Variants in CARMIL1 observed in about 807,000 individuals in gnomAD.
CARMIL1 encodes the protein capping protein regulator and myosin 1 linker 1.
A neutral mutation model predicts 177.1 loss-of-function variants in CARMIL1; 90 were observed. The observed-to-expected ratio is 0.51, with a 90% CI of 0.43 to 0.61. The LOEUF is 0.61. Ranked by LOEUF, CARMIL1 falls within the 20% of genes least tolerant of loss-of-function variation. The pLI, the probability that CARMIL1 is intolerant of heterozygous loss-of-function variation, is 0.00. For missense variants in CARMIL1, 1,380 were observed against 1,667.0 expected (o/e 0.83, Z 3.00); for synonymous variants, 577 against 606.2 (o/e 0.95, Z 0.71).
At chr6:25,356,239 A>G (rs1030838388) in intron 2 of CARMIL1, among the ~76,000 whole-genome samples, 15 of 151,728 alleles carry the variant, frequency 9.9e-5, no homozygotes, top group Non-Finnish European at 5.9e-5. Flanking sequence ...TTGTATTTTT[A>G]GTAGAGACAG....
At position 25,451,995 on chromosome 6, in the gene CARMIL1, T is replaced by TCCCCCCC. The variant is rs748360806; in HGVS notation, c.614+1287_614+1293dup. The stretch of plus-strand genomic sequence containing the variant: ...TCATCACTAGCATCTTGCCCCCCCC[T>TCCCCCCC]CCCCCCCCCAGAATACTGTTTTGAA... On this transcript the variant is annotated intron_variant, in intron 8 of 36. Coordinates refer to ENST00000329474, the MANE Select transcript of CARMIL1 (RefSeq NM_017640.6). 11 of 144,228 alleles carry TCCCCCCC rather than the reference T, an allele frequency of 7.6e-5. 1 individual carries two copies. The highest frequency in any genetic ancestry group is 1.1e-4 in the Non-Finnish European group (8 of 71,466). The allele number at this position is 144,228 out of a possible 1,614,324, so 8.9% of individuals were successfully genotyped here.
At chr6:25,356,050 CT>C (rs5875031) in intron 2 of CARMIL1, among the ~76,000 whole-genome samples, 75,131 of 120,100 alleles carry the variant, frequency 0.63, 22,095 homozygotes, top group Non-Finnish European at 0.67. Context: ...TCTAAGACTT[CT>C]TTTTTTTTTT....
chr6:25,446,091 G>A (rs997480757), intron 5 of CARMIL1, among the ~76,000 whole-genome samples: 5 of 152,174 alleles, frequency 3.3e-5, no homozygotes, highest in Admixed American at 6.5e-5. Flanking sequence ...TGGAGTGCAA[G>A]CAGGGAGATT....
At chr6:25,611,064 A>G (rs910308751) in intron 36 of CARMIL1, among the ~76,000 whole-genome samples, 13 of 152,082 alleles carry the variant, frequency 8.5e-5, no homozygotes, top group African/African-American at 3.1e-4. Flanking sequence ...TTCTCTTCCT[A>G]CATTGGCCTA....
At chr6:25,555,960 CATT>C (rs1449815939) in intron 28 of CARMIL1, among the ~76,000 whole-genome samples, 1 of 152,086 alleles carries the variant, frequency 6.6e-6, no homozygotes, top group East Asian at 1.9e-4. Flanking sequence ...TTCATTTTAA[CATT>C]AATACTGCTG....
intron 4 of CARMIL1, among the ~76,000 whole-genome samples, chr6:25,433,801 C>T (rs1182194004): frequency 6.6e-6 from 1 of 152,208 alleles, no homozygotes; most frequent in African/African-American, 2.4e-5. Context: ...GAAACACTTA[C>T]ATTATTTATA....
At chr6:25,531,831 C>T (rs777424895) in intron 24 of CARMIL1, among the ~76,000 whole-genome samples, 3 of 152,164 alleles carry the variant, frequency 2.0e-5, no homozygotes, top group Non-Finnish European at 2.9e-5. Context: ...AGTGCAGTGG[C>T]GCAATCTCGG....
At chr6:25,607,636 A>G (rs929536411) in intron 35 of CARMIL1, among the ~76,000 whole-genome samples, 1 of 152,220 alleles carries the variant, frequency 6.6e-6, no homozygotes, top group Non-Finnish European at 1.5e-5. Context: ...AGCTCATCCT[A>G]ATAATTTATC....
chr6:25,466,034 A>G, intron 9 of CARMIL1, 86 bp downstream of exon 9: 1 of 875,138 alleles, frequency 1.1e-6, no homozygotes. Flanking sequence ...CAATTTTTTT[A>G]CTGTACTAGT....
chr6:25,592,783 G>A (rs1814445667), intron 31 of CARMIL1, among the ~76,000 whole-genome samples: 1 of 152,128 alleles, frequency 6.6e-6, no homozygotes, highest in South Asian at 2.1e-4. Context: ...CTTTCCCACC[G>A]CTCTATGGCA....
At chr6:25,464,225 C>CT (rs1800397329) in intron 8 of CARMIL1, among the ~76,000 whole-genome samples, 1 of 151,200 alleles carries the variant, frequency 6.6e-6, no homozygotes. Context: ...AAACACATGA[C>CT]TGAGCCTGCC....
intron 2 of CARMIL1, among the ~76,000 whole-genome samples, chr6:25,361,307 A>G (rs1445462210): frequency 6.6e-6 from 1 of 152,046 alleles, no homozygotes; most frequent in Non-Finnish European, 1.5e-5. Context: ...TTTGGTCTTG[A>G]TGGGTCTGTG....
chr6:25,348,315 A>G (rs1335558659), intron 2 of CARMIL1, among the ~76,000 whole-genome samples: 2 of 151,656 alleles, frequency 1.3e-5, no homozygotes, highest in African/African-American at 4.8e-5. Flanking sequence ...TATTTTTAGT[A>G]GAGATGGGGT....
At chr6:25,312,436 G>A (rs529365386) in intron 2 of CARMIL1, among the ~76,000 whole-genome samples, 4 of 152,092 alleles carry the variant, frequency 2.6e-5, no homozygotes, top group African/African-American at 7.2e-5. Context: ...TGGGAAAATA[G>A]CCAGGATGAT....
chr6:25,593,394 G>A (rs1366508988), intron 31 of CARMIL1, among the ~76,000 whole-genome samples: 1 of 152,174 alleles, frequency 6.6e-6, no homozygotes, highest in African/African-American at 2.4e-5. Context: ...TGCATTGGTG[G>A]CTCCCTATCA....
At chr6:25,474,316 C>T (rs1049809821) in intron 11 of CARMIL1, among the ~76,000 whole-genome samples, 71 of 151,742 alleles carry the variant, frequency 4.7e-4, no homozygotes, top group African/African-American at 1.4e-3. Context: ...GGGGTTTCAC[C>T]GTGTTAGCCA....
chr6:25,588,211 G>A (rs112324646), intron 31 of CARMIL1, among the ~76,000 whole-genome samples: 5 of 152,284 alleles, frequency 3.3e-5, no homozygotes, highest in African/African-American at 9.6e-5. Context: ...CCTGGAACCA[G>A]TCCCCCTCGG....
intron 12 of CARMIL1, among the ~76,000 whole-genome samples, chr6:25,484,277 C>T (rs541963829): frequency 3.3e-5 from 5 of 152,318 alleles, no homozygotes; most frequent in South Asian, 2.1e-4. Flanking sequence ...CAGTCTCTCA[C>T]GGAATGTGCC....
intron 26 of CARMIL1, among the ~76,000 whole-genome samples, chr6:25,547,386 AG>A (rs763605179): frequency 5.9e-5 from 9 of 152,206 alleles, no homozygotes; most frequent in Non-Finnish European, 8.8e-5. Flanking sequence ...GAAGGTTGGT[AG>A]TCTTGTTCTA....
Sources: allele counts gnomAD v4.1 joint callset (sites outside exome capture counted in the v4.1 genomes callset), GRCh38; gene constraint gnomAD v4.1.1; transcripts MANE v1.5; gene names NCBI Gene and HGNC (gene_info 2026-07-23, HGNC 2026-07-21).